PHF6: variants seen among roughly 807,000 people sequenced by gnomAD.
PHF6 encodes PHD-like zinc finger protein.
In PHF6, 7 loss-of-function variants were observed where a neutral mutation model predicts 34.0. The ratio of observed to expected loss-of-function variants is 0.21; its 90% CI spans 0.12 to 0.39. PHF6 has a LOEUF of 0.39. Ranked by LOEUF, PHF6 falls within the 10% of genes least tolerant of loss-of-function variation. The pLI is 1.00. For synonymous variants in PHF6, 89 were observed against 88.4 expected (o/e 1.01, Z -0.04); for missense variants, 128 against 262.8 (o/e 0.49, Z 3.55).
intron 5 of PHF6, among the ~76,000 whole-genome samples, chrX:134,402,443 T>C (rs2077406456): frequency 8.9e-6 from 1 of 112,155 alleles, no homozygotes; most frequent in Non-Finnish European, 1.9e-5. Flanking sequence ...GTATGGGCTT[T>C]GAAATAAGGT....
chrX:134,412,299 A>G (rs918995398), intron 5 of PHF6, among the ~76,000 whole-genome samples: 4 of 112,012 alleles, frequency 3.6e-5, no homozygotes, highest in African/African-American at 1.3e-4. Context: ...ACTCATGTAA[A>G]TTGTTATTAA....
intron 8 of PHF6, among the ~76,000 whole-genome samples, chrX:134,416,126 A>C (rs758153682): frequency 2.8e-5 from 3 of 109,019 alleles, no homozygotes; most frequent in Non-Finnish European, 5.7e-5. Context: ...CGCCTGGATA[A>C]TTTTTGTATT....
In PHF6 at chrX:134,427,062, A is replaced by ATT. The variant is rs35950131; in HGVS notation, c.*1410_*1411dup. Reference sequence around the variant, plus strand: ...AAAATTACACTGTGCTTAATGACTGATTTTTTTTTAAACTGCGAGTCCCTT... The same window carrying ATT: ...AAAATTACACTGTGCTTAATGACTGATTTTTTTTTTTAAACTGCGAGTCCCTT... On this transcript the variant is annotated 3_prime_UTR_variant, in exon 11 of 11. Coordinates refer to ENST00000370803, the MANE Select transcript of PHF6 (RefSeq NM_001015877.2). The ATT allele has an allele frequency of 1.0e-4, 16 of 159,122 alleles. No homozygotes were observed. The highest frequency in any genetic ancestry group is 8.7e-4 in the East Asian group (9 of 10,294). The allele number at this position is 159,122 out of a possible 1,213,427, so 13.1% of individuals were successfully genotyped here. A position where few individuals can be genotyped will look rare whatever the true frequency, so the allele number is the denominator to read the frequency against.
At chrX:134,393,990 T>TC in intron 5 of PHF6, 38 bp downstream of exon 5, 1 of 1,167,562 alleles carries the variant, frequency 8.6e-7, no homozygotes, top group Non-Finnish European at 1.2e-6. Context: ...CTTTTCAGTT[T>TC]CAAGAAGAAA....
chrX:134,418,835 TC>T (rs1231054658), intron 9 of PHF6: 2 of 100,021 alleles, frequency 2.0e-5, no homozygotes, highest in African/African-American at 7.6e-5. Flanking sequence ...TAGACCAATC[TC>T]CCCTTTTTTT....
intron 5 of PHF6, among the ~76,000 whole-genome samples, chrX:134,410,075 A>G (rs144897798): frequency 0.027 from 3,015 of 112,067 alleles, 113 homozygotes; most frequent in African/African-American, 0.092. Context: ...TGTCTTTGCT[A>G]TAATGAATAG....
chrX:134,413,525 G>A lies in PHF6; in HGVS notation c.453G>A (p.Leu151=). ...AAGAAAGTTTTAATGAACATGAACT[G>A]GAGCCCTCATCACCTAAAAGTAAAA... ...DLEESFNEHE[L]EPSSPKSKKK... Residue 151 remains leucine (L), a synonymous_variant, in exon 6 of 11, where the codon CTG becomes CTA. Transcript: ENST00000370803. 1 of 1,210,385 alleles carries A rather than the reference G, an allele frequency of 8.3e-7. No individual in the cohort carries two copies. Among genetic ancestry groups the A allele is most frequent in the African/African-American group, 1.7e-5 (1 of 57,635 alleles).
In PHF6 at chrX:134,389,995, G is replaced by C. The variant is rs759711065; in HGVS notation, c.241-3506G>C. Among the ~76,000 whole-genome samples the C allele has an allele frequency of 6.0e-5, 6 of 99,204 alleles. No individual in the cohort carries two copies. The South Asian group carries it at 2.9e-3, about 48-fold the overall frequency. The allele number at this position is 99,204 out of a possible 115,157, so 86.1% of individuals were successfully genotyped here. ...AAAAAAATTCTGTCTAGAATGAATT[G>C]ATTGATAAAATTTATGTATTTATAA... On this transcript the variant is annotated intron_variant, in intron 3 of 10. Coordinates refer to ENST00000370803, the MANE Select transcript of PHF6 (RefSeq NM_001015877.2).
intron 3 of PHF6, among the ~76,000 whole-genome samples, chrX:134,378,532 C>A (rs760193264): frequency 1.8e-5 from 2 of 112,273 alleles, no homozygotes; most frequent in South Asian, 7.2e-4. Flanking sequence ...TTAGCACTTG[C>A]TGAACAAAGT....
intron 3 of PHF6, among the ~76,000 whole-genome samples, chrX:134,381,619 C>G (rs1307953188): frequency 1.8e-5 from 2 of 109,626 alleles, no homozygotes; most frequent in Non-Finnish European, 3.8e-5. Flanking sequence ...CTCAGCCTCC[C>G]AAGTAGGTCA....
chrX:134,416,333 G>A (rs2077472428), intron 8 of PHF6, among the ~76,000 whole-genome samples: 1 of 111,684 alleles, frequency 9.0e-6, no homozygotes, highest in African/African-American at 3.3e-5. Context: ...GAGCAGTGTT[G>A]TATAATACAG....
In PHF6 at chrX:134,428,763, T is replaced by C; in HGVS notation, c.*3103T>C. The stretch of plus-strand genomic sequence containing the variant: ...TTATTGGTATTCTTGCATATACTAT[T>C]CATTCAATAAATGACTTATGACTTT... On this transcript the variant is annotated 3_prime_UTR_variant, in exon 11 of 11. Coordinates refer to ENST00000370803, the MANE Select transcript of PHF6 (RefSeq NM_001015877.2). 1.5e-5 allele frequency: 2 copies of C among 136,765 alleles called. No homozygotes were observed. Among genetic ancestry groups the C allele is most frequent in the East Asian group, 2.5e-4 (2 of 8,131 alleles). The allele number at this position is 136,765 out of a possible 1,213,427, so 11.3% of individuals were successfully genotyped here.
intron 5 of PHF6, among the ~76,000 whole-genome samples, chrX:134,400,390 C>CT (rs59456723): frequency 0.011 from 913 of 79,829 alleles, 5 homozygotes; most frequent in Non-Finnish European, 0.016. Flanking sequence ...CAGCCTTTGC[C>CT]TTTTTTTTTT....
rs1426038462 is a variant in PHF6 at position 134,427,331 on chromosome X, T to G, written c.*1671T>G. On this transcript the variant is annotated 3_prime_UTR_variant, in exon 11 of 11. Transcript: ENST00000370803. ...ATGTTTGTTTACCAAGCTATGTGAC[T>G]TCTCCCAAAGGATCTGTACTTTCTT... is the stretch of plus-strand genomic sequence containing the variant. The G allele has an allele frequency of 1.2e-5, 2 of 162,081 alleles. No homozygotes were observed. The highest frequency in any genetic ancestry group is 6.0e-5 in the African/African-American group (2 of 33,271). 13.4% of individuals were successfully genotyped at this position (162,081 alleles called of 1,213,427 possible).
At chrX:134,398,016 A>G (rs112419784) in intron 5 of PHF6, among the ~76,000 whole-genome samples, 1,394 of 112,355 alleles carry the variant, frequency 0.012, 24 homozygotes, top group African/African-American at 0.043. Context: ...GGCACATTCT[A>G]TGCAGAAGGA....
chrX:134,391,923 G>A (rs1315251898), intron 3 of PHF6, among the ~76,000 whole-genome samples: 1 of 111,651 alleles, frequency 9.0e-6, no homozygotes, highest in Non-Finnish European at 1.9e-5. Flanking sequence ...TTGCCTTCTT[G>A]ATAATTTGGC....
At chrX:134,378,169 CTTATT>C in intron 3 of PHF6, 63 bp downstream of exon 3, 1 of 771,040 alleles carries the variant, frequency 1.3e-6, no homozygotes, top group South Asian at 2.3e-5. Flanking sequence ...GAGGAAATTG[CTTATT>C]TTAGAGTGTA....
At chrX:134,400,848 G>A (rs1256805854) in intron 5 of PHF6, among the ~76,000 whole-genome samples, 1 of 111,551 alleles carries the variant, frequency 9.0e-6, no homozygotes, top group Non-Finnish European at 1.9e-5. Flanking sequence ...GGCTAGTTGG[G>A]TAAATAAAAA....
chrX:134,395,280 G>A (rs1298377204), intron 5 of PHF6, among the ~76,000 whole-genome samples: 1 of 112,323 alleles, frequency 8.9e-6, no homozygotes, highest in Non-Finnish European at 1.9e-5. Context: ...ATTCACATCT[G>A]TAGTACTTTA....
Sources: allele counts gnomAD v4.1 joint callset (sites outside exome capture counted in the v4.1 genomes callset), GRCh38; gene constraint gnomAD v4.1.1; transcripts MANE v1.5; gene names NCBI Gene and HGNC (gene_info 2026-07-23, HGNC 2026-07-21).